Variants in ZPBP observed in about 807,000 individuals in gnomAD.
ZPBP encodes zona pellucida binding protein.
A neutral mutation model predicts 44.8 loss-of-function variants in ZPBP; 26 were observed. That is an observed-to-expected ratio of 0.58 (90% CI 0.43 to 0.81). ZPBP has a LOEUF of 0.81. ZPBP is among the 30% of genes least tolerant of loss of function. The pLI, the probability that ZPBP is intolerant of heterozygous loss-of-function variation, is 0.00. For missense variants in ZPBP, 409 were observed against 434.0 expected (o/e 0.94, Z 0.51); for synonymous variants, 174 against 153.2 (o/e 1.14, Z -1.00).
At chr7:49,876,259 T>C (rs1360019240) in intron 2 of ZPBP, among the ~76,000 whole-genome samples, 1 of 152,154 alleles carries the variant, frequency 6.6e-6, no homozygotes. Flanking sequence ...TTTGAAAATA[T>C]AGGTAAATTT....
At chr7:50,000,802 C>T (rs1295432470) in intron 6 of ZPBP, among the ~76,000 whole-genome samples, 4 of 151,924 alleles carry the variant, frequency 2.6e-5, no homozygotes, top group African/African-American at 9.7e-5. Flanking sequence ...TGATTCATGC[C>T]CCCACCACCA....
At chr7:49,859,788 GTGCACACACA>G (rs1232822588) in intron 2 of ZPBP, among the ~76,000 whole-genome samples, 5,332 of 148,476 alleles carry the variant, frequency 0.036, 103 homozygotes, top group Middle Eastern at 0.051. Flanking sequence ...GTGCGCGTGC[GTGCACACACA>G]CACACACACA....
intron 2 of ZPBP, among the ~76,000 whole-genome samples, chr7:49,881,434 T>C (rs570093548): frequency 1.4e-4 from 22 of 152,248 alleles, no homozygotes; most frequent in African/African-American, 5.1e-4. Flanking sequence ...GTTTAAAAAA[T>C]AGAGAGAGAG....
chr7:49,980,190 T>C (rs56281940), intron 7 of ZPBP, among the ~76,000 whole-genome samples: 1,494 of 118,462 alleles, frequency 0.013, 40 homozygotes, highest in African/African-American at 0.047. Flanking sequence ...AAAATTAAAT[T>C]GTATTATGTT....
At chr7:49,910,245 C>T (rs965570040) in intron 1 of ZPBP, among the ~76,000 whole-genome samples, 5 of 152,192 alleles carry the variant, frequency 3.3e-5, no homozygotes, top group Non-Finnish European at 7.4e-5. Flanking sequence ...CGAAAACCAC[C>T]ACCACAGAAC....
chr7:49,930,246 C>G (rs1243207768), intron 1 of ZPBP, among the ~76,000 whole-genome samples: 4 of 152,118 alleles, frequency 2.6e-5, no homozygotes, highest in Non-Finnish European at 5.9e-5. Context: ...TGAATCAGGG[C>G]CCTCAGGATC....
intron 7 of ZPBP, among the ~76,000 whole-genome samples, chr7:49,938,983 T>C (rs149515204): frequency 0.02 from 3,086 of 152,304 alleles, 257 homozygotes; most frequent in Admixed American, 0.15. Flanking sequence ...TCAGTTTTAA[T>C]AGATGTTTTA....
chr7:50,002,758 CT>C (rs1462490466), intron 6 of ZPBP, among the ~76,000 whole-genome samples: 3 of 152,164 alleles, frequency 2.0e-5, no homozygotes, highest in Non-Finnish European at 4.4e-5. Flanking sequence ...TCAGATCCTA[CT>C]TTAGAAGTCA....
At chr7:49,980,049 A>T (rs1286173177) in intron 7 of ZPBP, among the ~76,000 whole-genome samples, 3 of 86,166 alleles carry the variant, frequency 3.5e-5, no homozygotes, top group African/African-American at 1.4e-4. Context: ...AATATATATA[A>T]TATAATTTTA....
chr7:49,903,045 C>A (rs897234310), intron 1 of ZPBP, among the ~76,000 whole-genome samples: 21 of 152,086 alleles, frequency 1.4e-4, no homozygotes, highest in African/African-American at 5.1e-4. Context: ...TAGGGAAATA[C>A]AAATTAAAAC....
At chr7:49,942,908 A>C (rs1183095421) in intron 7 of ZPBP, 1 of 163,376 alleles carries the variant, frequency 6.1e-6, no homozygotes, top group East Asian at 1.9e-4. Context: ...TTTCTTTTTC[A>C]ATCACAGATT....
At chr7:50,090,535 GTGTATATATGTGTGCATATATATGCA>G (rs1562622422) in intron 1 of ZPBP, among the ~76,000 whole-genome samples, 1 of 151,394 alleles carries the variant, frequency 6.6e-6, no homozygotes. Flanking sequence ...ATATATATGT[GTGTATATATGTGTGCATATATATGCA>G]TATATATGTG....
chr7:49,855,918 A>G (rs963410701), intron 2 of ZPBP, among the ~76,000 whole-genome samples: 9 of 152,100 alleles, frequency 5.9e-5, no homozygotes, highest in Non-Finnish European at 8.8e-5. Flanking sequence ...AAGAAAACTG[A>G]TGTTTCTTTC....
At chr7:49,920,500 G>C (rs1793970172) in intron 1 of ZPBP, 1 of 152,150 alleles carries the variant, frequency 6.6e-6, no homozygotes. Context: ...GCACTGCATT[G>C]TTGGCAAGAA....
At chr7:49,949,735 A>C (rs1318792366) in intron 7 of ZPBP, among the ~76,000 whole-genome samples, 1 of 152,030 alleles carries the variant, frequency 6.6e-6, no homozygotes, top group East Asian at 1.9e-4. Context: ...GTGGGACTGA[A>C]GTTAATGCCA....
intron 3 of ZPBP, among the ~76,000 whole-genome samples, chr7:50,075,909 C>T (rs1802053527): frequency 1.3e-5 from 2 of 151,720 alleles, no homozygotes; most frequent in Non-Finnish European, 3.0e-5. Context: ...TTTACAAGGC[C>T]AGTATTACCA....
At chr7:50,009,209 C>G (rs1206421265) in intron 6 of ZPBP, among the ~76,000 whole-genome samples, 1 of 142,722 alleles carries the variant, frequency 7.0e-6, no homozygotes, top group Non-Finnish European at 1.5e-5. Context: ...TGCACTCCAG[C>G]CTGGGTGACA....
At chr7:49,842,367 G>A in the ZPBP span, among the ~76,000 whole-genome samples, 9 of 152,192 alleles carry the variant, frequency 5.9e-5, no homozygotes, top group Admixed American at 1.3e-4. Flanking sequence ...TTACTAAAAC[G>A]TCATGACATT....
At chr7:50,029,723 C>CA (rs1799507024) in intron 5 of ZPBP, among the ~76,000 whole-genome samples, 1 of 152,142 alleles carries the variant, frequency 6.6e-6, no homozygotes, top group Admixed American at 6.5e-5. Flanking sequence ...AAAAGATGCT[C>CA]AACAACATTT....
Sources: gnomAD v4.1 joint callset for allele counts (sites outside exome capture counted in the v4.1 genomes callset) on GRCh38, gnomAD v4.1.1 for gene constraint, MANE v1.5 for transcripts, NCBI Gene and HGNC (gene_info 2026-07-23, HGNC 2026-07-21) for gene names.